The following NCAM2 variants were observed in gnomAD, a reference collection of about 807,000 sequenced individuals.
NCAM2 encodes N-CAM-2.
NCAM2 carries 30 observed loss-of-function variants against 98.1 expected under a neutral mutation model. The observed-to-expected ratio is 0.31, with a 90% confidence interval of 0.23 to 0.41. NCAM2 has a LOEUF of 0.41. NCAM2 is among the 10% of genes least tolerant of loss of function. The pLI, the probability that NCAM2 is intolerant of heterozygous loss-of-function variation, is 1.00. For missense variants in NCAM2, 867 were observed against 1,005.8 expected (o/e 0.86, Z 1.87); for synonymous variants, 368 against 342.4 (o/e 1.07, Z -0.83).
At chr21:21,484,867 A>T (rs1421922764) in intron 15 of NCAM2, among the ~76,000 whole-genome samples, 1 of 152,192 alleles carries the variant, frequency 6.6e-6, no homozygotes, top group Non-Finnish European at 1.5e-5. Context: ...ACCTTGTTAA[A>T]TAGCATGTCA....
intron 1 of NCAM2, among the ~76,000 whole-genome samples, chr21:21,192,574 TTTAGCTGAACAGGGTGC>T (rs2068858844): frequency 6.6e-6 from 1 of 152,008 alleles, no homozygotes; most frequent in Non-Finnish European, 1.5e-5. Context: ...TTACAAAAAG[TTTAGCTGAACAGGGTGC>T]AGAGAATTGG....
At chr21:21,536,633 G>T (rs926833437) in intron 17 of NCAM2, among the ~76,000 whole-genome samples, 3 of 151,864 alleles carry the variant, frequency 2.0e-5, no homozygotes, top group Non-Finnish European at 2.9e-5. Flanking sequence ...CATGTGATCC[G>T]CCCGCCTTGG....
chr21:21,477,163 C>A, intron 14 of NCAM2, 128 bp from the exon 15 acceptor site: 1 of 580,574 alleles, frequency 1.7e-6, no homozygotes, highest in Non-Finnish European at 2.8e-6. Context: ...TTCATGTATC[C>A]CTGTGCCTAT....
intron 1 of NCAM2, among the ~76,000 whole-genome samples, chr21:21,165,633 C>T (rs1169295935): frequency 6.6e-6 from 1 of 152,156 alleles, no homozygotes; most frequent in Non-Finnish European, 1.5e-5. Flanking sequence ...TCATTTTTTA[C>T]CTATTCCACC....
At chr21:21,526,074 C>T (rs563924946) in intron 16 of NCAM2, among the ~76,000 whole-genome samples, 2 of 151,940 alleles carry the variant, frequency 1.3e-5, no homozygotes, top group African/African-American at 2.4e-5. Flanking sequence ...GAAGCTGTCC[C>T]CACTATATCC....
intron 15 of NCAM2, among the ~76,000 whole-genome samples, chr21:21,497,659 T>C (rs917206988): frequency 6.6e-6 from 1 of 152,094 alleles, no homozygotes; most frequent in African/African-American, 2.4e-5. Context: ...TTAAAATCAT[T>C]AGAGAATGGA....
At position 21,432,216 on chromosome 21, in the gene NCAM2, A is replaced by T. The variant is rs1431570744; in HGVS notation, c.1589A>T (p.Tyr530Phe). 2.5e-6 allele frequency: 4 copies of T among 1,613,964 alleles called. No homozygotes were observed. The highest frequency in any genetic ancestry group is 3.4e-6 in the Non-Finnish European group (4 of 1,179,976). The change falls in exon 12 of 18, where the codon TAT becomes TTT. Residue 530 changes from tyrosine to phenylalanine, a missense_variant. By Grantham distance (22) the Tyr-to-Phe change is conservative. Around this residue, in one of 5 missense-constraint regions of NCAM2, gnomAD observed 234 missense variants for 333.8 expected, o/e 0.70. Transcript: ENST00000400546. ...CATGGAGGTGTACCTATTCATCACT[A>T]TCAGGTGGATGTCAAAGAAGTAGCG... ...DSHGGVPIHHYQVDVKEVASE... is the reference protein window; with the variant it reads ...DSHGGVPIHHFQVDVKEVASE...
chr21:21,418,094 CAT>C (rs202190583), intron 10 of NCAM2, among the ~76,000 whole-genome samples: 2 of 137,762 alleles, frequency 1.5e-5, no homozygotes, highest in Admixed American at 7.0e-5. Flanking sequence ...ACTATAGATA[CAT>C]ATATATATAC....
intron 1 of NCAM2, among the ~76,000 whole-genome samples, chr21:21,031,497 G>A (rs1438923387): frequency 4.6e-5 from 7 of 152,016 alleles, no homozygotes; most frequent in African/African-American, 2.4e-5. Context: ...TTGGCCTTCT[G>A]ATTTTATTGC....
chr21:21,518,690 A>G (rs1988847888), intron 16 of NCAM2, among the ~76,000 whole-genome samples: 1 of 151,830 alleles, frequency 6.6e-6, no homozygotes, highest in Admixed American at 6.6e-5. Flanking sequence ...TATATATTAA[A>G]TTTTATAAGT....
intron 1 of NCAM2, among the ~76,000 whole-genome samples, chr21:21,261,590 G>A (rs577916823): frequency 6.6e-6 from 1 of 152,238 alleles, no homozygotes; most frequent in South Asian, 2.1e-4. Flanking sequence ...ACCTGTTCCT[G>A]ATTGACCTAC....
At chr21:21,484,437 A>G (rs2146288163) in intron 15 of NCAM2, among the ~76,000 whole-genome samples, 2 of 152,224 alleles carry the variant, frequency 1.3e-5, no homozygotes, top group Middle Eastern at 6.8e-3. Context: ...ATTTTCAAAA[A>G]CAATTTTCAT....
intron 1 of NCAM2, among the ~76,000 whole-genome samples, chr21:21,211,623 C>CAACAA (rs2069663184): frequency 6.6e-6 from 1 of 152,084 alleles, no homozygotes; most frequent in Admixed American, 6.5e-5. Context: ...ACAACAACAA[C>CAACAA]AACAAAACAA....
intron 1 of NCAM2, among the ~76,000 whole-genome samples, chr21:21,011,584 A>G (rs141273661): frequency 3.8e-4 from 58 of 152,176 alleles, no homozygotes; most frequent in Middle Eastern, 3.4e-3. Context: ...TGTTGTTAGA[A>G]CATCTAAGAT....
chr21:21,312,781 T>G (rs2074097369), intron 5 of NCAM2, among the ~76,000 whole-genome samples: 1 of 151,928 alleles, frequency 6.6e-6, no homozygotes, highest in Admixed American at 6.6e-5. Flanking sequence ...TGAAAGAGAT[T>G]TTACAGAAAT....
At chr21:21,306,081 T>G (rs2073870587) in intron 5 of NCAM2, among the ~76,000 whole-genome samples, 1 of 152,144 alleles carries the variant, frequency 6.6e-6, no homozygotes, top group African/African-American at 2.4e-5. Flanking sequence ...AATTTCTAAT[T>G]TGATTCTAAT....
intron 16 of NCAM2, among the ~76,000 whole-genome samples, chr21:21,533,019 G>T (rs1000515332): frequency 4.0e-5 from 6 of 151,888 alleles, no homozygotes; most frequent in Non-Finnish European, 8.8e-5. Flanking sequence ...TGTATGTGAG[G>T]TACCTACATA....
chr21:21,074,981 T>C lies in NCAM2; in HGVS notation c.55+76363T>C, dbSNP rs1461404856. Among the ~76,000 whole-genome samples the C allele has an allele frequency of 2.6e-5, 4 of 152,166 alleles. No homozygotes were observed. The East Asian group carries it at 7.7e-4, about 29-fold the overall frequency. ...AAGAGGATAAAGAAAATGTGGCACATGTACACCATGAAATACTATGCAGCC... is the reference window on the plus strand; with the variant it reads ...AAGAGGATAAAGAAAATGTGGCACACGTACACCATGAAATACTATGCAGCC... On this transcript the variant is annotated intron_variant, in intron 1 of 17. Transcript: ENST00000400546.
At chr21:21,017,368 T>C (rs950967464) in intron 1 of NCAM2, among the ~76,000 whole-genome samples, 1 of 123,682 alleles carries the variant, frequency 8.1e-6, no homozygotes, top group African/African-American at 3.1e-5. Context: ...GGAGGTTGCA[T>C]TGAACAGATA....
Sources: allele counts gnomAD v4.1 joint callset (sites outside exome capture counted in the v4.1 genomes callset), GRCh38; gene constraint gnomAD v4.1.1; regional missense constraint gnomAD v4.1.1; transcripts MANE v1.5; gene names NCBI Gene and HGNC (gene_info 2026-07-23, HGNC 2026-07-21).